The following RASGRF1 variants were observed in gnomAD, a reference collection of about 807,000 sequenced individuals.
RASGRF1 encodes the protein Ras protein specific guanine nucleotide releasing factor 1.
RASGRF1 carries 40 observed loss-of-function variants against 138.7 expected under a neutral mutation model. The observed-to-expected ratio is 0.29, with a 90% CI of 0.22 to 0.38. RASGRF1 has a LOEUF of 0.38. RASGRF1 is among the 10% of genes least tolerant of loss of function. RASGRF1 has a pLI of 1.00. For synonymous variants in RASGRF1, 614 were observed against 663.2 expected, an observed-to-expected ratio of 0.93 and a Z score of 1.14; for missense variants, 1,108 against 1,650.4, an observed-to-expected ratio of 0.67 and a Z score of 5.69.
chr15:79,023,936 AC>A (rs1175144888), intron 10 of RASGRF1, among the ~76,000 whole-genome samples: 1 of 151,330 alleles, frequency 6.6e-6, no homozygotes, highest in East Asian at 1.9e-4. Context: ...CACACACACC[AC>A]ACACACAGAT....
At position 79,073,561 on chromosome 15, in the gene RASGRF1, G is replaced by A. The variant is rs140913815; in HGVS notation, c.277-9035C>T. ...GGCCAAGCAGAGATAGCAGAGCACC[G>A]AGGGTGGCACTGGCAGACACGGGGT... On this transcript the variant is annotated intron_variant, in intron 1 of 26. Coordinates refer to ENST00000558480, the MANE Select transcript of RASGRF1 (RefSeq NM_001145648.3). This position sits in a 1 kb window ranked among gnomAD's most constrained non-coding sequence, Gnocchi z 4.2. Among the ~76,000 whole-genome samples, 505 of 152,280 alleles carry A rather than the reference G, an allele frequency of 3.3e-3. 3 individuals are homozygous for A. Among genetic ancestry groups the A allele is most frequent in the African/African-American group, 0.011 (474 of 41,554 alleles).
intron 19 of RASGRF1, 121 bp downstream of exon 19, chr15:78,997,975 G>C: frequency 3.8e-6 from 3 of 790,770 alleles, no homozygotes; most frequent in Non-Finnish European, 6.4e-6. Context: ...TCCTACTTGG[G>C]GCTGTCCTTG....
In RASGRF1 at chr15:78,991,754, G is replaced by T; in HGVS notation, c.3068C>A (p.Ala1023Asp). 1 of 1,614,120 alleles carries T rather than the reference G, an allele frequency of 6.2e-7. No homozygotes were observed. Among genetic ancestry groups the T allele is most frequent in the Non-Finnish European group, 8.5e-7 (1 of 1,179,966 alleles). Residue 1023 changes from alanine (A) to aspartate (D), a missense_variant, in exon 21 of 27, where the codon GCC (alanine) becomes GAC (aspartate). By Grantham distance (126) the Ala-to-Asp change is moderately radical (BLOSUM62 -2). Transcript: ENST00000558480. ...GGTCAGCTGCTCCGCGATCTCCAGG[G>T]CTGAGTGGTTTTCAAAGGGCTCAGC... ...VKAEPFENHS[A>D]LEIAEQLTLL...
At chr15:79,090,182 G>C in intron 1 of RASGRF1, 41 bp downstream of exon 1, 3 of 1,545,264 alleles carry the variant, frequency 1.9e-6, no homozygotes, top group Non-Finnish European at 2.6e-6. Flanking sequence ...CCAGGGCCGC[G>C]GCCGGGACGC....
rs1039204779 is a variant in RASGRF1, at chr15:79,006,073, A to C, written c.2075+113T>G. ...GTGTCCCGCAGCACCCCAACACGTT[A>C]CTGCTGCTCCTCCAGGGACCTTCCA... On this transcript the variant is annotated intron_variant, in intron 14 of 26. Coordinates refer to ENST00000558480, the MANE Select transcript of RASGRF1 (RefSeq NM_001145648.3). This position sits in a 1 kb window ranked among gnomAD's most constrained non-coding sequence, Gnocchi z 4.0. 18 of 1,446,798 alleles carry C rather than the reference A, an allele frequency of 1.2e-5. No homozygotes were observed. Among genetic ancestry groups the C allele is most frequent in the South Asian group, 6.4e-5 (5 of 77,932 alleles). 89.6% of individuals were successfully genotyped at this position (1,446,798 alleles called of 1,614,324 possible). A position where few individuals can be genotyped will look rare whatever the true frequency, so the allele number is the denominator to read the frequency against.
chr15:78,989,944 T>G (rs1009892541), intron 22 of RASGRF1, among the ~76,000 whole-genome samples: 5 of 152,180 alleles, frequency 3.3e-5, no homozygotes, highest in Non-Finnish European at 7.3e-5. Context: ...CTGGGCTGAA[T>G]GTCTTTAGAT....
chr15:79,025,205 C>T (rs75228123), intron 10 of RASGRF1, 109 bp downstream of exon 10: 27 of 1,274,722 alleles, frequency 2.1e-5, no homozygotes, highest in African/African-American at 6.0e-5. Flanking sequence ...TGCATGCACA[C>T]GTCTCTGACA....
rs1160968462 is a variant in RASGRF1, at chr15:78,961,124, G to C, written c.*1020C>G. ...GGAGTTAACCTGTGTTTTCTATACT[G>C]TACAGTGTAAAAAATACATGGTAAT... is the stretch of plus-strand genomic sequence containing the variant. On this transcript the variant is annotated 3_prime_UTR_variant, in exon 27 of 27. Transcript: ENST00000558480. The C allele has an allele frequency of 2.0e-5, 3 of 152,138 alleles. No homozygotes were observed. Among genetic ancestry groups the C allele is most frequent in the Non-Finnish European group, 4.4e-5 (3 of 68,040 alleles). The allele number at this position is 152,138 out of a possible 1,614,324, so 9.4% of individuals were successfully genotyped here. A position where few individuals can be genotyped will look rare whatever the true frequency, so the allele number is the denominator to read the frequency against.
chr15:79,018,880 C>G (rs79549033), intron 11 of RASGRF1, among the ~76,000 whole-genome samples: 4,711 of 152,178 alleles, frequency 0.031, 75 homozygotes, highest in Non-Finnish European at 0.042. Flanking sequence ...GCCACTTGAG[C>G]CTGGGTTTTC....
intron 5 of RASGRF1, among the ~76,000 whole-genome samples, chr15:79,036,854 G>A (rs1235729647): frequency 1.3e-5 from 2 of 152,024 alleles, no homozygotes; most frequent in African/African-American, 4.8e-5. Context: ...CAGGCTAAAG[G>A]GCGAAACTAG....
rs140215538 is a variant in RASGRF1, at chr15:79,065,732, G to A, written c.277-1206C>T. On this transcript the variant is annotated intron_variant, in intron 1 of 26. Transcript: ENST00000558480. Reference sequence around the variant, plus strand: ...GTCTGCTGTTCAGAGGATGCACCACGGGCCAGCCATGGTGTGACACTGAGC... The same window carrying A: ...GTCTGCTGTTCAGAGGATGCACCACAGGCCAGCCATGGTGTGACACTGAGC... Among the ~76,000 whole-genome samples the A allele has an allele frequency of 1.1e-4, 17 of 152,206 alleles. No homozygotes were observed. The East Asian group carries it at 3.1e-3, about 28-fold the overall frequency.
chr15:78,970,642 A>G (rs926951915), intron 26 of RASGRF1, among the ~76,000 whole-genome samples: 3 of 150,082 alleles, frequency 2.0e-5, no homozygotes, highest in Admixed American at 6.6e-5. Flanking sequence ...AAAAAAAAAA[A>G]AAAGAAAAAG....
chr15:79,012,334 C>T (rs1321641513), intron 13 of RASGRF1, among the ~76,000 whole-genome samples: 1 of 152,222 alleles, frequency 6.6e-6, no homozygotes, highest in Non-Finnish European at 1.5e-5. Flanking sequence ...AAACCATCCT[C>T]AACTGTGCCA....
chr15:79,058,482 CTG>C lies in RASGRF1; in HGVS notation c.384-3_384-2del. ...ATGCTCTGTGGCGAGGGTCCTGTAG[CTG>C]TGGACAGATGGACATGGCAGGTAAG... is the stretch of plus-strand genomic sequence containing the variant. On this transcript the variant is annotated splice_acceptor_variant and splice_polypyrimidine_tract_variant and intron_variant, in intron 2 of 26. Transcript: ENST00000558480. LOFTEE classifies it high-confidence loss of function. The C allele has an allele frequency of 6.2e-7, 1 of 1,613,936 alleles. No homozygotes were observed. The highest frequency in any genetic ancestry group is 8.5e-7 in the Non-Finnish European group (1 of 1,179,824).
intron 3 of RASGRF1, 39 bp downstream of exon 3, chr15:79,058,295 G>T (rs2057537334): frequency 4.4e-6 from 7 of 1,593,914 alleles, no homozygotes; most frequent in Non-Finnish European, 6.0e-6. Flanking sequence ...TTGAGATGTT[G>T]TGCCTAGGGC....
At chr15:78,964,694 G>C (rs2055609501) in intron 26 of RASGRF1, among the ~76,000 whole-genome samples, 1 of 152,160 alleles carries the variant, frequency 6.6e-6, no homozygotes, top group Non-Finnish European at 1.5e-5. Flanking sequence ...GAGTTATGTT[G>C]ATACTTTTAT....
chr15:79,053,930 C>T (rs1218787441), intron 3 of RASGRF1, among the ~76,000 whole-genome samples: 2 of 152,198 alleles, frequency 1.3e-5, no homozygotes, highest in Non-Finnish European at 2.9e-5. Flanking sequence ...AAGTTGCAGA[C>T]AATGATATGA....
intron 21 of RASGRF1, 52 bp downstream of exon 21, chr15:78,991,639 A>G: frequency 1.4e-6 from 2 of 1,459,622 alleles, no homozygotes; most frequent in South Asian, 2.3e-5. Context: ...GGTGCTGTCC[A>G]AGACAGTGCC....
chr15:79,075,228 G>A (rs1347031998), intron 1 of RASGRF1, among the ~76,000 whole-genome samples: 2 of 152,170 alleles, frequency 1.3e-5, no homozygotes, highest in East Asian at 1.9e-4. Context: ...CTATACCTGC[G>A]ACCTACCAGG....
Sources: allele counts gnomAD v4.1 joint callset (sites outside exome capture counted in the v4.1 genomes callset), GRCh38; gene constraint gnomAD v4.1.1; non-coding constraint Gnocchi (gnomAD v3.1); transcripts MANE v1.5; gene names NCBI Gene and HGNC (gene_info 2026-07-23, HGNC 2026-07-21).